The following SLC29A4 variants were observed in gnomAD, a reference collection of about 807,000 sequenced individuals.
SLC29A4 encodes equilibrative nucleoside transporter 4.
Under a neutral mutation model 43.9 loss-of-function variants are expected in SLC29A4, and 36 were observed. The ratio of observed to expected loss-of-function variants is 0.82; its 90% CI spans 0.63 to 1.08. The LOEUF (loss-of-function observed/expected upper bound fraction) is 1.08, where lower values mean the gene tolerates loss of function less well. Ranked by LOEUF, SLC29A4 falls within the 50% of genes least tolerant of loss-of-function variation. The probability of loss-of-function intolerance (pLI) is 0.00; values close to 1 mark genes in which losing one functional copy is unlikely to be tolerated. For synonymous variants in SLC29A4, 491 were observed against 338.0 expected, an observed-to-expected ratio of 1.45 and a Z score of -4.97; for missense variants, 869 against 755.3, an observed-to-expected ratio of 1.15 and a Z score of -1.77.
chr7:5,302,912 C>T lies in SLC29A4; in HGVS notation c.1566C>T (p.Ala522=), dbSNP rs766097388. The T allele has an allele frequency of 8.7e-6, 14 of 1,608,140 alleles. No homozygotes were observed. Among genetic ancestry groups the T allele is most frequent in the Admixed American group, 8.4e-5 (5 of 59,634 alleles). ...AHGSCLHAST[A]NGSILAGL is the part of the protein sequence containing the mutation. ...GCAGCTGCCTGCACGCCTCCACCGCCAATGGTTCCATCCTCGCAGGCCTCT... is the reference window on the plus strand; with the variant it reads ...GCAGCTGCCTGCACGCCTCCACCGCTAATGGTTCCATCCTCGCAGGCCTCT... Residue 522 remains alanine (A), a synonymous_variant, in exon 11 of 11, where the codon GCC becomes GCT. Coordinates refer to ENST00000396872, the MANE Select transcript of SLC29A4 (RefSeq NM_153247.4).
At chr7:5,290,599 C>T (rs1785240349) in intron 2 of SLC29A4, 133 bp from the exon 3 acceptor site, 4 of 1,213,862 alleles carry the variant, frequency 3.3e-6, no homozygotes, top group Middle Eastern at 2.0e-4. Flanking sequence ...GTATCTGGAA[C>T]AGAGGGGAGC....
intron 4 of SLC29A4, 134 bp downstream of exon 4, chr7:5,291,371 A>G (rs112877955): frequency 8.9e-6 from 8 of 899,518 alleles, no homozygotes; most frequent in Middle Eastern, 3.4e-4. Context: ...GGCTGCCCTG[A>G]GGTCTGGTGT....
chr7:5,294,377 G>A (rs1192597651), intron 5 of SLC29A4, among the ~76,000 whole-genome samples: 2 of 152,120 alleles, frequency 1.3e-5, no homozygotes, highest in Non-Finnish European at 2.9e-5. Context: ...TATTAGTTAG[G>A]ATGAGAGGGG....
Position 5,300,565 on chromosome 7 carries a change from C to G in SLC29A4, c.1353C>G (p.Ile451Met). Residue 451 changes from isoleucine to methionine, a missense_variant, in exon 10 of 11, where the codon ATC (isoleucine) becomes ATG (methionine). By Grantham distance (10) the Ile-to-Met change is conservative. Coordinates refer to ENST00000396872, the MANE Select transcript of SLC29A4 (RefSeq NM_153247.4). The stretch of plus-strand genomic sequence containing the variant: ...TCCGTCACCCCGCCTGGCCCTGCAT[C>G]TTCTCACTGCTCATGGGCATCAGCA... ...PALRHPAWPC[I>M]FSLLMGISNG... 1.9e-6 allele frequency: 3 copies of G among 1,612,386 alleles called. No individual in the cohort carries two copies. The highest frequency in any genetic ancestry group is 2.2e-5 in the South Asian group (2 of 90,986).
rs113618946 is a variant in SLC29A4, at chr7:5,304,573, G to C, written c.*1634G>C. 9,234 of 151,186 alleles carry C rather than the reference G, an allele frequency of 0.061. 402 individuals carry two copies. Among genetic ancestry groups the C allele is most frequent in the Non-Finnish European group, 0.098 (6,681 of 67,924 alleles). The allele number at this position is 151,186 out of a possible 1,614,324, so 9.4% of individuals were successfully genotyped here. On this transcript the variant is annotated 3_prime_UTR_variant, in exon 11 of 11. Coordinates refer to ENST00000396872, the MANE Select transcript of SLC29A4 (RefSeq NM_153247.4). ...CACCCAGGCTGGAGTGCAGTGGCACGATCTTGGCTCACTGCAATCTCTGCC... is the reference window on the plus strand; with the variant it reads ...CACCCAGGCTGGAGTGCAGTGGCACCATCTTGGCTCACTGCAATCTCTGCC...
chr7:5,285,498 A>G (rs991973803), intron 1 of SLC29A4, among the ~76,000 whole-genome samples: 20 of 152,206 alleles, frequency 1.3e-4, no homozygotes, highest in African/African-American at 4.8e-4. Flanking sequence ...TCTGGCTTCA[A>G]AGCCCCAGTG....
chr7:5,296,166 C>T (rs1198604572), intron 6 of SLC29A4, among the ~76,000 whole-genome samples: 1 of 152,132 alleles, frequency 6.6e-6, no homozygotes, highest in Admixed American at 6.5e-5. Context: ...TGCAGACCTC[C>T]GCGTCAAAGG....
Position 5,303,036 on chromosome 7 carries a change from C to T in SLC29A4, c.*97C>T. The T allele has an allele frequency of 7.3e-7, 1 of 1,375,790 alleles. No individual in the cohort carries two copies. Among genetic ancestry groups the T allele is most frequent in the Non-Finnish European group, 9.8e-7 (1 of 1,016,616 alleles). The allele number at this position is 1,375,790 out of a possible 1,614,324, so 85.2% of individuals were successfully genotyped here. On this transcript the variant is annotated 3_prime_UTR_variant, in exon 11 of 11. Transcript: ENST00000396872. The stretch of plus-strand genomic sequence containing the variant: ...GTCCCCACCTCAGTGCCTGCGGGGC[C>T]CTGAGCCTCCCCCTGTGCCAGCAGC...
chr7:5,303,202 C>G lies in SLC29A4; in HGVS notation c.*263C>G, dbSNP rs989117675. 1 of 552,496 alleles carries G rather than the reference C, an allele frequency of 1.8e-6. No individual in the cohort carries two copies. The highest frequency in any genetic ancestry group is 3.2e-6 in the Non-Finnish European group (1 of 309,892). 34.2% of individuals were successfully genotyped at this position (552,496 alleles called of 1,614,324 possible). On this transcript the variant is annotated 3_prime_UTR_variant, in exon 11 of 11. Transcript: ENST00000396872. ...TTGGTCTCATACCTGCGTCTACCTT[C>G]CATCTGTGTCCAGCGGCCCCGGCTC...
chr7:5,287,569 G>C (rs1297038561), intron 1 of SLC29A4, among the ~76,000 whole-genome samples: 1 of 152,242 alleles, frequency 6.6e-6, no homozygotes, highest in African/African-American at 2.4e-5. Flanking sequence ...GCTCAGAGAG[G>C]TTTAGGCCCT....
chr7:5,292,051 C>T lies in SLC29A4; in HGVS notation c.544+230C>T, dbSNP rs189755557. The stretch of plus-strand genomic sequence containing the variant: ...TGTAGCCACAGAGACTCTGAGGCAG[C>T]CCCTGGTTTCCCTGGTATAAACAGG... On this transcript the variant is annotated intron_variant, in intron 5 of 10. Coordinates refer to ENST00000396872, the MANE Select transcript of SLC29A4 (RefSeq NM_153247.4). 2.4e-3 allele frequency among the ~76,000 whole-genome samples: 368 copies of T among 152,342 alleles called. 1 individual carries two copies. Among genetic ancestry groups the T allele is most frequent in the African/African-American group, 8.3e-3 (347 of 41,592 alleles).
In SLC29A4 at chr7:5,290,868, G is replaced by T. The variant is rs760117001; in HGVS notation, c.301+5G>T. The T allele has an allele frequency of 1.9e-6, 3 of 1,607,634 alleles. No homozygotes were observed. In the African/African-American group the frequency reaches 4.0e-5, roughly 21 times the overall value. On this transcript the variant is annotated splice_donor_5th_base_variant and intron_variant, in intron 3 of 10. Coordinates refer to ENST00000396872, the MANE Select transcript of SLC29A4 (RefSeq NM_153247.4). ...ACCTGCATCACAAGTACCCAGGTGG[G>T]TCCCTCCACGGTCACGCCCAGCCAC... is the stretch of plus-strand genomic sequence containing the variant.
In SLC29A4 at chr7:5,290,865, T is replaced by C; in HGVS notation, c.301+2T>C. Reference sequence around the variant, plus strand: ...ACTACCTGCATCACAAGTACCCAGGTGGGTCCCTCCACGGTCACGCCCAGC... The same window carrying C: ...ACTACCTGCATCACAAGTACCCAGGCGGGTCCCTCCACGGTCACGCCCAGC... On this transcript the variant is annotated splice_donor_variant, in intron 3 of 10. Coordinates refer to ENST00000396872, the MANE Select transcript of SLC29A4 (RefSeq NM_153247.4). LOFTEE classifies it high-confidence loss of function. 1 of 1,609,530 alleles carries C rather than the reference T, an allele frequency of 6.2e-7. No individual in the cohort carries two copies. Among genetic ancestry groups the C allele is most frequent in the African/African-American group, 1.3e-5 (1 of 74,982 alleles).
rs1206852306 is a variant in SLC29A4, at chr7:5,283,220, G to A, written c.-9+138G>A. 8.7e-5 allele frequency: 13 copies of A among 149,530 alleles called. No individual in the cohort carries two copies. The South Asian group carries it at 1.5e-3, about 17-fold the overall frequency. 9.3% of individuals were successfully genotyped at this position (149,530 alleles called of 1,614,324 possible). A position where few individuals can be genotyped will look rare whatever the true frequency, so the allele number is the denominator to read the frequency against. On this transcript the variant is annotated intron_variant, in intron 1 of 10. Coordinates refer to ENST00000396872, the MANE Select transcript of SLC29A4 (RefSeq NM_153247.4). ...TCTCCCCAGCCCGCCCCTGTCCCGG[G>A]AACCCGAGGCCACCCCGGCCGCGTC...
chr7:5,294,956 G>A (rs369720087), intron 6 of SLC29A4, 22 bp downstream of exon 6: 313 of 1,591,548 alleles, frequency 2.0e-4, no homozygotes, highest in Non-Finnish European at 2.0e-4. Flanking sequence ...CAGACCCCCC[G>A]GGGAGGGGGT....
At chr7:5,284,871 C>T (rs1186162342) in intron 1 of SLC29A4, among the ~76,000 whole-genome samples, 4 of 152,294 alleles carry the variant, frequency 2.6e-5, no homozygotes, top group Non-Finnish European at 4.4e-5. Flanking sequence ...GCGTGGCCTC[C>T]GGGCAAGGCA....
At chr7:5,286,455 G>A (rs766301216) in intron 1 of SLC29A4, among the ~76,000 whole-genome samples, 7 of 151,476 alleles carry the variant, frequency 4.6e-5, no homozygotes, top group African/African-American at 1.2e-4. Flanking sequence ...CCCAGGAGAC[G>A]GAGGTTGCAG....
intron 1 of SLC29A4, among the ~76,000 whole-genome samples, chr7:5,285,201 C>T (rs747267841): frequency 6.6e-6 from 1 of 152,176 alleles, no homozygotes; most frequent in African/African-American, 2.4e-5. Flanking sequence ...GCGGAGCCCG[C>T]CCAGAGCCAC....
intron 2 of SLC29A4, among the ~76,000 whole-genome samples, chr7:5,290,095 C>T (rs1000730748): frequency 2.0e-5 from 3 of 150,202 alleles, no homozygotes; most frequent in South Asian, 2.1e-4. Flanking sequence ...ACTCTGTCGC[C>T]CAGGTTGGAG....
Sources: gnomAD v4.1 joint callset for allele counts (sites outside exome capture counted in the v4.1 genomes callset) on GRCh38, gnomAD v4.1.1 for gene constraint, MANE v1.5 for transcripts, NCBI Gene and HGNC (gene_info 2026-07-23, HGNC 2026-07-21) for gene names.